Variants in TDRD5 observed in about 807,000 individuals in gnomAD.
TDRD5 encodes the protein tudor domain-containing protein 5.
TDRD5 carries 41 observed loss-of-function variants against 120.6 expected under a neutral mutation model. That is an observed-to-expected ratio of 0.34 (90% CI 0.26 to 0.44). TDRD5 has a LOEUF of 0.44. Among genes scored for constraint, TDRD5 ranks in the 20% least tolerant of loss-of-function variants. TDRD5 has a pLI of 1.00. For missense variants in TDRD5, 1,006 were observed against 1,221.2 expected (o/e 0.82, Z 2.63); for synonymous variants, 430 against 433.7 (o/e 0.99, Z 0.11).
At chr1:179,615,346 T>C (rs957780973) in intron 4 of TDRD5, among the ~76,000 whole-genome samples, 2 of 152,188 alleles carry the variant, frequency 1.3e-5, no homozygotes, top group African/African-American at 2.4e-5. Context: ...AATAACTGTC[T>C]CTGTTAACGT....
intron 17 of TDRD5, among the ~76,000 whole-genome samples, chr1:179,687,335 C>T (rs1680779295): frequency 6.6e-6 from 1 of 152,172 alleles, no homozygotes; most frequent in East Asian, 1.9e-4. Flanking sequence ...TGTTCAGTTT[C>T]CATGTAGTTG....
chr1:179,636,367 G>T (rs887045027), intron 9 of TDRD5, among the ~76,000 whole-genome samples: 13 of 152,228 alleles, frequency 8.5e-5, no homozygotes, highest in East Asian at 3.9e-4. Flanking sequence ...AATGTTATTT[G>T]GAATTTGAAC....
intron 17 of TDRD5, among the ~76,000 whole-genome samples, chr1:179,678,563 T>C (rs1416812477): frequency 6.6e-6 from 1 of 151,560 alleles, no homozygotes; most frequent in African/African-American, 2.4e-5. Flanking sequence ...TAATCGACTA[T>C]ATTTAAACAT....
At chr1:179,619,212 A>G (rs2101967712) in intron 5 of TDRD5, among the ~76,000 whole-genome samples, 1 of 152,288 alleles carries the variant, frequency 6.6e-6, no homozygotes, top group East Asian at 1.9e-4. Context: ...GCTTGAACAG[A>G]TTTATACTCC....
chr1:179,623,035 A>G (rs1175043960), intron 6 of TDRD5, among the ~76,000 whole-genome samples: 2 of 152,200 alleles, frequency 1.3e-5, no homozygotes, highest in African/African-American at 4.8e-5. Flanking sequence ...GAACAGTGAT[A>G]CAAATGATGG....
intron 17 of TDRD5, among the ~76,000 whole-genome samples, chr1:179,677,658 C>T (rs1680207323): frequency 6.6e-6 from 1 of 152,124 alleles, no homozygotes; most frequent in African/African-American, 2.4e-5. Context: ...CTACTGGGCT[C>T]TGGGCTGGTA....
chr1:179,611,167 T>C (rs1676255181), intron 4 of TDRD5, among the ~76,000 whole-genome samples: 1 of 152,086 alleles, frequency 6.6e-6, no homozygotes, highest in Admixed American at 6.6e-5. Context: ...TTCTGCTGCC[T>C]CAGCCATCCA....
chr1:179,669,407 A>G lies in TDRD5; in HGVS notation c.2860+3A>G. The G allele has an allele frequency of 6.2e-7, 1 of 1,613,860 alleles. No homozygotes were observed. Among genetic ancestry groups the G allele is most frequent in the Non-Finnish European group, 8.5e-7 (1 of 1,179,880 alleles). On this transcript the variant is annotated splice_donor_region_variant and intron_variant, in intron 17 of 17. Transcript: ENST00000444136. ...CGCAGAAAAGCCCTCTGGTTCTGGT[A>G]TGTTTGTGTGTACTTGTGCATGCTC...
intron 4 of TDRD5, among the ~76,000 whole-genome samples, chr1:179,613,956 G>A (rs1018573499): frequency 6.6e-6 from 1 of 152,166 alleles, no homozygotes; most frequent in African/African-American, 2.4e-5. Context: ...ATGGCCAAAA[G>A]GTCTGAAGTA....
At chr1:179,690,332 A>G (rs190173720) in intron 17 of TDRD5, among the ~76,000 whole-genome samples, 31 of 152,344 alleles carry the variant, frequency 2.0e-4, no homozygotes, top group East Asian at 1.3e-3. Context: ...GTGGGACACC[A>G]TTTAGCTTAG....
intron 17 of TDRD5, among the ~76,000 whole-genome samples, chr1:179,687,636 A>G (rs1680800457): frequency 6.6e-6 from 1 of 152,160 alleles, no homozygotes; most frequent in Admixed American, 6.5e-5. Flanking sequence ...TAATGTTGAC[A>G]GTGGGGTGTT....
At chr1:179,644,149 T>C (rs1001981973) in intron 11 of TDRD5, among the ~76,000 whole-genome samples, 59 of 152,262 alleles carry the variant, frequency 3.9e-4, no homozygotes, top group African/African-American at 1.3e-3. Context: ...CAACAAATAC[T>C]GAAGGAAGTT....
intron 4 of TDRD5, among the ~76,000 whole-genome samples, chr1:179,611,699 T>G (rs1422551663): frequency 1.3e-5 from 2 of 152,208 alleles, no homozygotes; most frequent in Non-Finnish European, 2.9e-5. Context: ...CAATAACGAA[T>G]GCAGAGTTGA....
chr1:179,639,739 C>T, intron 9 of TDRD5, 100 bp from the exon 10 acceptor site: 1 of 1,272,654 alleles, frequency 7.9e-7, no homozygotes, highest in South Asian at 1.4e-5. Context: ...ATTTTCTTTT[C>T]TTTGCTTTTT....
chr1:179,640,414 C>T lies in TDRD5; in HGVS notation c.1769C>T (p.Pro590Leu), dbSNP rs147735255. ...ACAAAGCTTCCAGCTCAGGCTATCC[C>T]TTGTTCTTTGGCTTGGGTGAGACCA... ...CYTKLPAQAIPCSLAWVRPVE... is the reference protein window; with the variant it reads ...CYTKLPAQAILCSLAWVRPVE... The change falls in exon 11 of 18, where the codon CCT becomes CTT. Residue 590 changes from proline to leucine, a missense_variant. Physicochemically the swap from Pro to Leu is moderately conservative, Grantham distance 98 (BLOSUM62 -3). Transcript: ENST00000444136. 5.3e-3 allele frequency: 8,629 copies of T among 1,614,136 alleles called. 30 individuals are homozygous for T. The highest frequency in any genetic ancestry group is 6.4e-3 in the Middle Eastern group (39 of 6,062).
rs180674213 is a variant in TDRD5 at position 179,680,973 on chromosome 1, A to G, written c.2861-9723A>G. On this transcript the variant is annotated intron_variant, in intron 17 of 17. Transcript: ENST00000444136. ...AATGTATTTTAACCCAAGCATATCA[A>G]TTGTCACCTTAAGTTGTCCAAAGAT... Among the ~76,000 whole-genome samples the G allele has an allele frequency of 4.6e-5, 7 of 152,372 alleles. No individual in the cohort carries two copies. In the East Asian group the frequency reaches 9.6e-4, roughly 21 times the overall value.
At position 179,663,491 on chromosome 1, in the gene TDRD5, G is replaced by C; in HGVS notation, c.2649G>C (p.Lys883Asn). The change falls in exon 16 of 18, where the codon AAG (lysine) becomes AAC (asparagine). Residue 883 changes from lysine (K) to asparagine (N), a missense_variant and splice_region_variant. By Grantham distance (94) the Lys-to-Asn change is moderately conservative (BLOSUM62 0). Coordinates refer to ENST00000444136, the MANE Select transcript of TDRD5 (RefSeq NM_001199085.3). ...EKNTGTNRTQ[K>N]QLDINGSSDS... ...ATACTGGCACAAACAGGACTCAAAA[G>C]GTAAATGTCTAATGCAGGTTATTGG... The C allele has an allele frequency of 6.2e-7, 1 of 1,608,264 alleles. No homozygotes were observed.
intron 6 of TDRD5, among the ~76,000 whole-genome samples, chr1:179,624,050 A>G (rs980855168): frequency 1.3e-5 from 2 of 152,192 alleles, no homozygotes; most frequent in African/African-American, 2.4e-5. Flanking sequence ...GTCTATTACA[A>G]AACAGTAGTA....
chr1:179,687,510 A>AT (rs1024199365), intron 17 of TDRD5, among the ~76,000 whole-genome samples: 2 of 152,128 alleles, frequency 1.3e-5, no homozygotes, highest in African/African-American at 4.8e-5. Context: ...TGAGAAGAAC[A>AT]TACATTCTGT....
Sources: allele counts gnomAD v4.1 joint callset (sites outside exome capture counted in the v4.1 genomes callset), GRCh38; gene constraint gnomAD v4.1.1; transcripts MANE v1.5; gene names NCBI Gene and HGNC (gene_info 2026-07-23, HGNC 2026-07-21).